Variants in ZNF273 observed in about 807,000 individuals in gnomAD.
ZNF273 encodes the protein zinc finger protein 273, also known as zinc finger protein 9.
ZNF273 carries 11 observed loss-of-function variants against 14.9 expected under a neutral mutation model. The ratio of observed to expected loss-of-function variants is 0.74; its 90% confidence interval spans 0.46 to 1.22. The LOEUF (loss-of-function observed/expected upper bound fraction) is 1.22. Ranked by LOEUF, ZNF273 falls within the 50% of genes most tolerant of loss-of-function variation. The pLI is 0.00. For missense variants in ZNF273, 577 were observed against 660.6 expected (o/e 0.87, Z 1.39); for synonymous variants, 199 against 223.9 (o/e 0.89, Z 0.99).
At chr7:64,900,304 T>C (rs1021496295), upstream of ZNF273, among the ~76,000 whole-genome samples, 10 of 152,082 alleles carry the variant, frequency 6.6e-5, no homozygotes, top group Non-Finnish European at 2.9e-5. Flanking sequence ...TTTTGTACTT[T>C]TAGTAGAGAT....
chr7:64,919,300 G>T (rs372899632), intron 3 of ZNF273, among the ~76,000 whole-genome samples: 1 of 151,998 alleles, frequency 6.6e-6, no homozygotes, highest in African/African-American at 2.4e-5. Context: ...ATCCATATAC[G>T]TAAAATATTT....
At chr7:64,909,100 C>T (rs993808868) in intron 1 of ZNF273, among the ~76,000 whole-genome samples, 1 of 151,962 alleles carries the variant, frequency 6.6e-6, no homozygotes, top group Non-Finnish European at 1.5e-5. Flanking sequence ...ATTTTTTGTA[C>T]GTACGGGGTT....
intron 3 of ZNF273, among the ~76,000 whole-genome samples, 159 bp downstream of exon 3, chr7:64,918,451 AAGAGATCC>A (rs1050643581): frequency 6.6e-6 from 1 of 152,042 alleles, no homozygotes; most frequent in African/African-American, 2.4e-5. Flanking sequence ...TCACGAGGTC[AAGAGATCC>A]AGAGCATCCT....
In ZNF273 at chr7:64,888,347, G is replaced by T. The variant is rs1254970272; in HGVS notation, n.274-226G>T. The stretch of plus-strand genomic sequence containing the variant: ...TCAACACCTCTGAGCTCAAATTCCT[G>T]CTCCCAGGGGGAAGCGGGTTATGAA... On this transcript the variant is annotated intron_variant and non_coding_transcript_variant, in intron 1 of 1. Transcript: ENST00000471926. 4.1e-6 allele frequency: 4 copies of T among 985,168 alleles called. No homozygotes were observed. The East Asian group carries it at 3.4e-4, about 84-fold the overall frequency. The allele number at this position is 985,168 out of a possible 1,614,324, so 61.0% of individuals were successfully genotyped here. A position where few individuals can be genotyped will look rare whatever the true frequency, so the allele number is the denominator to read the frequency against.
At chr7:64,923,933 T>G (rs1392759078) in intron 3 of ZNF273, 2 of 152,410 alleles carry the variant, frequency 1.3e-5, no homozygotes, top group African/African-American at 4.8e-5. Context: ...TTTTGAAGAT[T>G]GTTAGGTACT....
At chr7:64,891,779 C>G (rs567388633), downstream of ZNF273, among the ~76,000 whole-genome samples, 39 of 152,336 alleles carry the variant, frequency 2.6e-4, no homozygotes, top group Admixed American at 1.2e-3. Flanking sequence ...AGGTTCACAG[C>G]TGATAAGTGG....
chr7:64,899,949 G>A (rs1310769398), upstream of ZNF273, among the ~76,000 whole-genome samples: 8 of 151,754 alleles, frequency 5.3e-5, no homozygotes, highest in Non-Finnish European at 1.0e-4. Context: ...TAGTAGAGAC[G>A]GGGTTTCTCC....
At chr7:64,898,127 AT>A (rs1288498222) in intron 4 of ZNF273, 1 of 152,248 alleles carries the variant, frequency 6.6e-6, no homozygotes, top group Non-Finnish European at 1.5e-5. Context: ...AATATTGTGA[AT>A]AAAGTTATTC....
At chr7:64,915,902 T>G (rs1292624669) in intron 1 of ZNF273, among the ~76,000 whole-genome samples, 1 of 152,130 alleles carries the variant, frequency 6.6e-6, no homozygotes, top group Non-Finnish European at 1.5e-5. Context: ...TAAAAAATAA[T>G]TACTCAGAGA....
upstream of ZNF273, among the ~76,000 whole-genome samples, chr7:64,901,008 T>TA (rs1554383200): frequency 9.5e-5 from 14 of 147,804 alleles, no homozygotes; most frequent in Non-Finnish European, 1.9e-4. Context: ...CTTTATTTAT[T>TA]TTTTTTTTTT....
rs570641969 is a variant in ZNF273 at position 64,919,752 on chromosome 7, A to G, written c.325+1460A>G. Among the ~76,000 whole-genome samples, 20 of 152,304 alleles carry G rather than the reference A, an allele frequency of 1.3e-4. No homozygotes were observed. In the East Asian group the frequency reaches 3.7e-3, roughly 28 times the overall value. ...TAGTTTAAGTGTATGAAACCATAAC[A>G]TACGCTTGTATGTTAATTTTATATT... On this transcript the variant is annotated intron_variant, in intron 3 of 3. Transcript: ENST00000476120.
At chr7:64,920,008 G>C (rs1297881370) in intron 3 of ZNF273, among the ~76,000 whole-genome samples, 1 of 151,804 alleles carries the variant, frequency 6.6e-6, no homozygotes, top group Non-Finnish European at 1.5e-5. Flanking sequence ...ATTGGTGTCT[G>C]TGAATTTGAA....
intron 1 of ZNF273, among the ~76,000 whole-genome samples, chr7:64,907,078 G>A (rs987016981): frequency 2.6e-5 from 4 of 152,214 alleles, no homozygotes; most frequent in African/African-American, 9.6e-5. Context: ...AAAATTCTGA[G>A]CCTGTGGGAA....
Position 64,927,993 on chromosome 7 carries a change from C to T in ZNF273, c.665C>T (p.Thr222Ile). 3.1e-6 allele frequency: 5 copies of T among 1,613,996 alleles called. No homozygotes were observed. The highest frequency in any genetic ancestry group is 3.4e-6 in the Non-Finnish European group (4 of 1,179,938). The stretch of plus-strand genomic sequence containing the variant: ...TCATGTTGCATACTTTCACAACTAA[C>T]TCAGCATAAGAAAACTGCTACTAGA... Reference protein sequence around the residue: ...GKSCCILSQLTQHKKTATRVN... With the variant: ...GKSCCILSQLIQHKKTATRVN... The change falls in exon 4 of 4, where the codon ACT becomes ATT. Residue 222 changes from threonine to isoleucine, a missense_variant. Physicochemically the swap from Thr to Ile is moderately conservative, Grantham distance 89. Transcript: ENST00000476120.
At chr7:64,920,863 C>T (rs1393720905) in intron 3 of ZNF273, among the ~76,000 whole-genome samples, 1 of 142,646 alleles carries the variant, frequency 7.0e-6, no homozygotes, top group Non-Finnish European at 1.5e-5. Flanking sequence ...TGTAGCTGTC[C>T]TTACAGGTAT....
At chr7:64,885,458 T>TAG (rs1255482037) in intron 1 of ZNF273, among the ~76,000 whole-genome samples, 2 of 152,246 alleles carry the variant, frequency 1.3e-5, no homozygotes, top group Non-Finnish European at 2.9e-5. Flanking sequence ...ACTCATTAAG[T>TAG]CACCTGTCCT....
At chr7:64,905,912 A>C (rs1050101589) in intron 1 of ZNF273, among the ~76,000 whole-genome samples, 1 of 152,214 alleles carries the variant, frequency 6.6e-6, no homozygotes, top group Non-Finnish European at 1.5e-5. Flanking sequence ...GAAAGGTAAA[A>C]AATTTACAAA....
chr7:64,929,126 T>A lies in ZNF273; in HGVS notation c.*88T>A. 1.3e-5 allele frequency: 1 copy of A among 78,688 alleles called. No homozygotes were observed. Among genetic ancestry groups the A allele is most frequent in the Non-Finnish European group, 2.1e-5 (1 of 47,850 alleles). The allele number at this position is 78,688 out of a possible 1,614,324, so 4.9% of individuals were successfully genotyped here. A position where few individuals can be genotyped will look rare whatever the true frequency, so the allele number is the denominator to read the frequency against. ...TCATACTGGAGAAAACTCCCAGAAGTGGAGTTTTCCTTATTGCACAGGAAA... is the reference window on the plus strand; with the variant it reads ...TCATACTGGAGAAAACTCCCAGAAGAGGAGTTTTCCTTATTGCACAGGAAA... On this transcript the variant is annotated 3_prime_UTR_variant, in exon 4 of 4. Transcript: ENST00000476120.
rs146584049 is a variant in ZNF273, at chr7:64,916,015, G to A, written c.103-1566G>A. 1.1e-3 allele frequency among the ~76,000 whole-genome samples: 172 copies of A among 152,124 alleles called. 4 individuals carry two copies. The East Asian group carries it at 0.03, about 26-fold the overall frequency. Reference sequence around the variant, plus strand: ...GTTCAAGACCAGCCTGGCCAACATGGTGAAACCTCGTCTATACTAAAAATA... The same window carrying A: ...GTTCAAGACCAGCCTGGCCAACATGATGAAACCTCGTCTATACTAAAAATA... On this transcript the variant is annotated intron_variant, in intron 1 of 3. Coordinates refer to ENST00000476120, the MANE Select transcript of ZNF273 (RefSeq NM_021148.3).
Sources: gnomAD v4.1 joint callset for allele counts (sites outside exome capture counted in the v4.1 genomes callset) on GRCh38, gnomAD v4.1.1 for gene constraint, MANE v1.5 for transcripts, NCBI Gene and HGNC (gene_info 2026-07-23, HGNC 2026-07-21) for gene names.